Variants in UST observed in about 807,000 individuals in gnomAD.
The protein encoded by UST is chondroitin sulfate 2-O-sulfotransferase.
In UST, 21 loss-of-function variants were observed where a neutral mutation model predicts 45.6. The ratio of observed to expected loss-of-function variants is 0.46; its 90% CI spans 0.33 to 0.66. The LOEUF (loss-of-function observed/expected upper bound fraction) is 0.66. UST is among the 30% of genes least tolerant of loss of function. UST has a pLI of 0.02. For missense variants in UST, 463 were observed against 512.4 expected, an observed-to-expected ratio of 0.90 and a Z score of 0.93; for synonymous variants, 215 against 200.6, an observed-to-expected ratio of 1.07 and a Z score of -0.61.
intron 7 of UST, among the ~76,000 whole-genome samples, chr6:149,061,813 A>C (rs904666776): frequency 1.3e-5 from 2 of 152,248 alleles, no homozygotes; most frequent in Non-Finnish European, 1.5e-5. Context: ...CATTGTATCC[A>C]CAGCAAAGTC....
intron 2 of UST, among the ~76,000 whole-genome samples, chr6:148,922,646 T>TC (rs11410827): frequency 0.013 from 2,011 of 149,988 alleles, 45 homozygotes; most frequent in African/African-American, 0.046. Context: ...ACTTTTTTTT[T>TC]GTATTTTCTA....
intron 4 of UST, among the ~76,000 whole-genome samples, chr6:148,963,786 A>G (rs1780719385): frequency 6.6e-6 from 1 of 152,178 alleles, no homozygotes; most frequent in African/African-American, 2.4e-5. Flanking sequence ...GTAAATGAGG[A>G]TAATTATTTT....
In UST at chr6:148,777,567, C is replaced by T. The variant is rs181655020; in HGVS notation, c.247+29890C>T. ...ATGTTAATTTTTTTGTTTTTTGAGA[C>T]GGAGTCTCGCTCTGTCACCCAGGCT... is the stretch of plus-strand genomic sequence containing the variant. On this transcript the variant is annotated intron_variant, in intron 1 of 7. Transcript: ENST00000367463. Among the ~76,000 whole-genome samples, 21 of 152,230 alleles carry T rather than the reference C, an allele frequency of 1.4e-4. No individual in the cohort carries two copies. The East Asian group carries it at 2.7e-3, about 20-fold the overall frequency.
At chr6:148,920,374 C>T (rs1779677288) in intron 2 of UST, among the ~76,000 whole-genome samples, 1 of 152,146 alleles carries the variant, frequency 6.6e-6, no homozygotes, top group South Asian at 2.1e-4. Flanking sequence ...GCCTCGCCCC[C>T]ACCACTCCAT....
chr6:148,999,803 G>A (rs1161857712), intron 5 of UST, among the ~76,000 whole-genome samples: 3 of 152,142 alleles, frequency 2.0e-5, no homozygotes, highest in African/African-American at 7.2e-5. Context: ...CATTTCCTCT[G>A]ATAGACCTTC....
chr6:149,054,470 T>C (rs919705407), intron 7 of UST, among the ~76,000 whole-genome samples: 2 of 152,224 alleles, frequency 1.3e-5, no homozygotes, highest in African/African-American at 4.8e-5. Flanking sequence ...CTTAGCAATC[T>C]TCTGTGGTTC....
chr6:149,002,168 A>G (rs1294488820), intron 5 of UST, among the ~76,000 whole-genome samples: 2 of 151,102 alleles, frequency 1.3e-5, no homozygotes, highest in Admixed American at 1.3e-4. Flanking sequence ...TAAAAAAAAA[A>G]TGTAAGGGTA....
intron 7 of UST, among the ~76,000 whole-genome samples, chr6:149,033,967 C>T (rs146258895): frequency 1.5e-3 from 224 of 152,260 alleles, no homozygotes; most frequent in African/African-American, 5.0e-3. Context: ...TTCGGATAAT[C>T]ACCGCGCTAT....
chr6:148,913,473 A>G (rs1179077897), intron 2 of UST, among the ~76,000 whole-genome samples: 1 of 126,668 alleles, frequency 7.9e-6, no homozygotes, highest in African/African-American at 3.1e-5. Flanking sequence ...CCAAGGAACC[A>G]GTTAGAATGG....
At chr6:148,956,503 A>G (rs1215951336) in intron 4 of UST, among the ~76,000 whole-genome samples, 1 of 152,218 alleles carries the variant, frequency 6.6e-6, no homozygotes, top group East Asian at 1.9e-4. Context: ...ATCTCCCATC[A>G]GGTCCCTCCC....
At chr6:148,870,104 T>TCTCACACACACACACA (rs377724567) in intron 1 of UST, among the ~76,000 whole-genome samples, 20 of 141,550 alleles carry the variant, frequency 1.4e-4, no homozygotes, top group African/African-American at 4.8e-4. Context: ...TGGTAATGTT[T>TCTCACACACACACACA]CACACACACA....
At chr6:148,860,891 G>A (rs1316974271) in intron 1 of UST, among the ~76,000 whole-genome samples, 4 of 152,216 alleles carry the variant, frequency 2.6e-5, no homozygotes, top group Non-Finnish European at 4.4e-5. Context: ...TGTTGGATTT[G>A]GTTTGCCAGT....
chr6:148,866,480 A>C (rs1778434986), intron 1 of UST, among the ~76,000 whole-genome samples: 1 of 152,174 alleles, frequency 6.6e-6, no homozygotes. Context: ...CTCGTCTACA[A>C]GATGCGAAAA....
chr6:148,760,139 C>G (rs547612500), intron 1 of UST, among the ~76,000 whole-genome samples: 5 of 152,268 alleles, frequency 3.3e-5, no homozygotes, highest in South Asian at 4.2e-4. Flanking sequence ...TTTTCTGAGT[C>G]TTAATCATAG....
intron 1 of UST, among the ~76,000 whole-genome samples, chr6:148,824,603 A>G (rs964017493): frequency 2.0e-5 from 3 of 151,810 alleles, no homozygotes; most frequent in Non-Finnish European, 2.9e-5. Context: ...GGTTTTTGCT[A>G]GGAGGTTTAC....
intron 5 of UST, among the ~76,000 whole-genome samples, chr6:148,981,412 T>C (rs1781131662): frequency 6.6e-6 from 1 of 152,218 alleles, no homozygotes; most frequent in Non-Finnish European, 1.5e-5. Flanking sequence ...ACTGCTTCTT[T>C]TTGTCCTATG....
chr6:148,832,151 C>T (rs1777700627), intron 1 of UST, among the ~76,000 whole-genome samples: 1 of 152,186 alleles, frequency 6.6e-6, no homozygotes, highest in Non-Finnish European at 1.5e-5. Flanking sequence ...CCACCACGCC[C>T]AGTTAATTTT....
chr6:148,990,204 A>G (rs62426144), intron 5 of UST, among the ~76,000 whole-genome samples: 12 of 152,066 alleles, frequency 7.9e-5, no homozygotes, highest in Non-Finnish European at 1.5e-4. Context: ...TATATCTTTC[A>G]TTTTAAAATA....
chr6:148,963,238 C>A (rs1780704677), intron 4 of UST, among the ~76,000 whole-genome samples: 1 of 152,154 alleles, frequency 6.6e-6, no homozygotes, highest in South Asian at 2.1e-4. Flanking sequence ...GGGGTCCTGT[C>A]AGTTTGTTTT....
Sources: gnomAD v4.1 joint callset for allele counts (sites outside exome capture counted in the v4.1 genomes callset) on GRCh38, gnomAD v4.1.1 for gene constraint, MANE v1.5 for transcripts, NCBI Gene and HGNC (gene_info 2026-07-23, HGNC 2026-07-21) for gene names.